HEMK2: variants seen among roughly 807,000 people sequenced by gnomAD.
HEMK2 encodes the protein methyltransferase HEMK2.
the HEMK2 span, among the ~76,000 whole-genome samples, chr21:28,654,999 C>T: frequency 6.6e-6 from 1 of 151,964 alleles, no homozygotes; most frequent in Non-Finnish European, 1.5e-5. Context: ...GCTTAAATAT[C>T]CATCTTTAAT....
the HEMK2 span, among the ~76,000 whole-genome samples, chr21:28,637,234 C>T: frequency 6.6e-6 from 1 of 152,134 alleles, no homozygotes; most frequent in Admixed American, 6.6e-5. Context: ...TCTTATTCAT[C>T]ATTGTATGAT....
At chr21:28,805,028 C>G in the HEMK2 span, among the ~76,000 whole-genome samples, 9 of 152,174 alleles carry the variant, frequency 5.9e-5, no homozygotes, top group Non-Finnish European at 1.2e-4. Flanking sequence ...GCCCAGGAAT[C>G]TGTGTTTTAA....
At chr21:28,745,819 A>T in the HEMK2 span, among the ~76,000 whole-genome samples, 1 of 152,182 alleles carries the variant, frequency 6.6e-6, no homozygotes, top group African/African-American at 2.4e-5. Context: ...ACCCCCTTCA[A>T]ATCCTATCCC....
At chr21:28,771,402 G>A in the HEMK2 span, among the ~76,000 whole-genome samples, 712 of 152,180 alleles carry the variant, frequency 4.7e-3, 5 homozygotes, top group African/African-American at 0.017. Flanking sequence ...CTGACCAGGA[G>A]ACATTTGGTA....
the HEMK2 span, among the ~76,000 whole-genome samples, chr21:28,791,337 G>A: frequency 1.3e-5 from 2 of 152,234 alleles, no homozygotes; most frequent in South Asian, 4.1e-4. Flanking sequence ...GACAAGCAAT[G>A]GATAAAAATT....
chr21:28,613,619 C>CTTTTTTTTTTTTTTTTTTTTTT, the HEMK2 span, among the ~76,000 whole-genome samples: 22 of 82,704 alleles, frequency 2.7e-4, 4 homozygotes, highest in African/African-American at 1.0e-3. Flanking sequence ...TCTGCATATT[C>CTTTTTTTTTTTTTTTTTTTTTT]TTTTTTTTTT....
the HEMK2 span, among the ~76,000 whole-genome samples, chr21:28,693,362 T>C: frequency 6.6e-6 from 1 of 152,252 alleles, no homozygotes; most frequent in Non-Finnish European, 1.5e-5. Flanking sequence ...CATGACAAAT[T>C]ATTAAAGCTA....
the HEMK2 span, among the ~76,000 whole-genome samples, chr21:28,615,763 G>A: frequency 6.6e-6 from 1 of 152,068 alleles, no homozygotes; most frequent in East Asian, 1.9e-4. Context: ...CCTTCCACAA[G>A]GCTAGAATTT....
the HEMK2 span, among the ~76,000 whole-genome samples, chr21:28,608,443 G>A: frequency 2.0e-5 from 3 of 151,616 alleles, no homozygotes; most frequent in African/African-American, 7.3e-5. Flanking sequence ...TAGGAGGTAG[G>A]ACTAAATTGC....
the HEMK2 span, among the ~76,000 whole-genome samples, chr21:28,723,231 G>C: frequency 1.3e-5 from 2 of 152,062 alleles, no homozygotes; most frequent in Non-Finnish European, 2.9e-5. Context: ...GCCTGGGCTG[G>C]TCTCAAACTC....
At chr21:28,601,220 A>G in the HEMK2 span, among the ~76,000 whole-genome samples, 1 of 152,130 alleles carries the variant, frequency 6.6e-6, no homozygotes. Context: ...AGGTCATGTC[A>G]TTTATCTCCC....
At chr21:28,812,352 AG>A in the HEMK2 span, among the ~76,000 whole-genome samples, 5 of 152,152 alleles carry the variant, frequency 3.3e-5, no homozygotes, top group East Asian at 9.6e-4. Context: ...TTTAGCATGA[AG>A]GGGTATTGAA....
chr21:28,726,123 A>C, the HEMK2 span, among the ~76,000 whole-genome samples: 1 of 152,188 alleles, frequency 6.6e-6, no homozygotes, highest in Admixed American at 6.5e-5. Context: ...ACTAAATTTA[A>C]CTAAATAAGA....
At chr21:28,681,987 A>G in the HEMK2 span, among the ~76,000 whole-genome samples, 2 of 152,240 alleles carry the variant, frequency 1.3e-5, no homozygotes, top group Non-Finnish European at 2.9e-5. Flanking sequence ...GGACATAGGC[A>G]TGAGCAAGGA....
the HEMK2 span, among the ~76,000 whole-genome samples, chr21:28,761,706 C>A: frequency 6.6e-6 from 1 of 151,864 alleles, no homozygotes; most frequent in Non-Finnish European, 1.5e-5. Flanking sequence ...TCTCCTCCCC[C>A]ATTTGCCACA....
At chr21:28,722,320 G>T in the HEMK2 span, among the ~76,000 whole-genome samples, 2 of 152,162 alleles carry the variant, frequency 1.3e-5, no homozygotes, top group Non-Finnish European at 2.9e-5. Context: ...AGTGAAGTTT[G>T]CAGATGAACT....
the HEMK2 span, among the ~76,000 whole-genome samples, chr21:28,718,190 T>C: frequency 6.6e-6 from 1 of 152,230 alleles, no homozygotes; most frequent in Non-Finnish European, 1.5e-5. Flanking sequence ...TCAAAAGTCA[T>C]TCAGGAGTAA....
the HEMK2 span, among the ~76,000 whole-genome samples, chr21:28,758,390 T>A: frequency 6.6e-6 from 1 of 152,052 alleles, no homozygotes; most frequent in Admixed American, 6.6e-5. Context: ...GCAAATATGA[T>A]CATAGCAAAG....
chr21:28,747,541 G>A, the HEMK2 span, among the ~76,000 whole-genome samples: 4 of 152,226 alleles, frequency 2.6e-5, no homozygotes, highest in Admixed American at 2.6e-4. Context: ...ATGTCCAGAA[G>A]TGAAGATGAA....
Sources: gnomAD v4.1 joint callset for allele counts (sites outside exome capture counted in the v4.1 genomes callset) on GRCh38, gnomAD v4.1.1 for gene constraint, MANE v1.5 for transcripts, NCBI Gene and HGNC (gene_info 2026-07-23, HGNC 2026-07-21) for gene names.